TCF12: variants seen among roughly 807,000 people sequenced by gnomAD.
TCF12 encodes the protein DNA-binding protein HTF4.
A neutral mutation model predicts 86.0 loss-of-function variants in TCF12; 45 were observed. That is an observed-to-expected ratio of 0.52 (90% CI 0.41 to 0.67). The LOEUF (loss-of-function observed/expected upper bound fraction) is 0.67, where lower values mean the gene tolerates loss of function less well. Among genes scored for constraint, TCF12 ranks in the 30% least tolerant of loss-of-function variants. The pLI is 0.00. For synonymous variants in TCF12, 330 were observed against 299.6 expected, an observed-to-expected ratio of 1.10 and a Z score of -1.05; for missense variants, 881 against 859.9, an observed-to-expected ratio of 1.02 and a Z score of -0.31.
chr15:57,004,598 A>G (rs1273215811), intron 3 of TCF12, among the ~76,000 whole-genome samples: 1 of 151,822 alleles, frequency 6.6e-6, no homozygotes, highest in Non-Finnish European at 1.5e-5. Context: ...TTTAGTAGAG[A>G]CGGGGTTTCA....
In TCF12 at chr15:57,162,007, G is replaced by A. The variant is rs1487066385; in HGVS notation, c.326-4395G>A. ...TGATTCTGAGAAGTCCGCCCAAGAG[G>A]CCCATGCACATGTGCACACACCGAT... On this transcript the variant is annotated intron_variant, in intron 5 of 20. Transcript: ENST00000333725. Among the ~76,000 whole-genome samples the A allele has an allele frequency of 2.0e-5, 3 of 151,978 alleles. 1 individual carries two copies. In the East Asian group the frequency reaches 5.8e-4, roughly 29 times the overall value.
At chr15:57,055,394 C>G (rs1438049601) in intron 3 of TCF12, among the ~76,000 whole-genome samples, 1 of 152,118 alleles carries the variant, frequency 6.6e-6, no homozygotes, top group Non-Finnish European at 1.5e-5. Flanking sequence ...AGCAAAAACT[C>G]TGTCTCAAAA....
chr15:56,992,556 A>G (rs1254835066), intron 3 of TCF12, among the ~76,000 whole-genome samples: 13 of 152,328 alleles, frequency 8.5e-5, no homozygotes, highest in African/African-American at 3.1e-4. Flanking sequence ...AATGGATCAC[A>G]GACACAAATA....
chr15:57,110,768 A>G (rs2050433951), intron 5 of TCF12, among the ~76,000 whole-genome samples: 1 of 152,246 alleles, frequency 6.6e-6, no homozygotes, highest in Non-Finnish European at 1.5e-5. Flanking sequence ...TCATCTCACT[A>G]TATAAATGAG....
intron 4 of TCF12, among the ~76,000 whole-genome samples, chr15:57,085,338 G>A (rs59854182): frequency 0.052 from 7,908 of 152,262 alleles, 295 homozygotes; most frequent in South Asian, 0.13. Flanking sequence ...ACCTGTTAAA[G>A]GATATCAGAA....
At chr15:57,070,714 A>T (rs1253533270) in intron 4 of TCF12, among the ~76,000 whole-genome samples, 1 of 152,178 alleles carries the variant, frequency 6.6e-6, no homozygotes, top group East Asian at 1.9e-4. Context: ...ACCTCTCTAT[A>T]GTTTGTAGGT....
rs1024102530 is a variant in TCF12 at position 57,244,374 on chromosome 15, C to A, written c.1114+824C>A. On this transcript the variant is annotated intron_variant, in intron 13 of 20. Transcript: ENST00000333725. ...GTTATTTCCCATAGATAAAAAAATT[C>A]TTGGGAATGATGTGGTTTTTCTGCC... is the stretch of plus-strand genomic sequence containing the variant. Among the ~76,000 whole-genome samples the A allele has an allele frequency of 3.9e-5, 6 of 151,940 alleles. No individual in the cohort carries two copies. The East Asian group carries it at 7.7e-4, about 20-fold the overall frequency.
At chr15:57,030,666 A>G (rs990993423) in intron 3 of TCF12, among the ~76,000 whole-genome samples, 3 of 152,186 alleles carry the variant, frequency 2.0e-5, no homozygotes, top group Admixed American at 6.5e-5. Flanking sequence ...CTCAAACACT[A>G]TAGAAATTTC....
intron 5 of TCF12, among the ~76,000 whole-genome samples, chr15:57,133,658 G>A (rs1191357670): frequency 2.0e-5 from 3 of 148,940 alleles, no homozygotes; most frequent in Admixed American, 1.3e-4. Context: ...TGAATAGCAA[G>A]TGCTGGCTGA....
intron 15 of TCF12, 135 bp from the exon 16 acceptor site, chr15:57,253,127 G>C: frequency 1.2e-6 from 1 of 825,908 alleles, no homozygotes; most frequent in South Asian, 1.7e-5. Context: ...TATAGTTCAG[G>C]TGGTTGCTTT....
chr15:57,205,717 A>G (rs1244131556), intron 8 of TCF12, among the ~76,000 whole-genome samples: 1 of 152,214 alleles, frequency 6.6e-6, no homozygotes, highest in East Asian at 1.9e-4. Flanking sequence ...TTTTTTTCAT[A>G]CATTAATAAG....
intron 9 of TCF12, 114 bp from the exon 10 acceptor site, chr15:57,232,177 T>C (rs1391306675): frequency 2.7e-5 from 31 of 1,141,080 alleles, no homozygotes; most frequent in Admixed American, 5.8e-5. Flanking sequence ...GAAGACTAGG[T>C]TGGAAAAGGG....
At chr15:56,925,752 A>G (rs1415008673) in intron 3 of TCF12, among the ~76,000 whole-genome samples, 1 of 152,248 alleles carries the variant, frequency 6.6e-6, no homozygotes, top group African/African-American at 2.4e-5. Flanking sequence ...AGATCATTTA[A>G]TAAGACTGCT....
intron 3 of TCF12, among the ~76,000 whole-genome samples, chr15:57,025,496 C>G (rs1351847386): frequency 2.0e-5 from 3 of 152,026 alleles, no homozygotes; most frequent in Non-Finnish European, 4.4e-5. Context: ...GACCACAGAA[C>G]CTGTTTTGTT....
intron 5 of TCF12, among the ~76,000 whole-genome samples, chr15:57,106,479 C>T (rs1326418655): frequency 6.6e-6 from 1 of 152,158 alleles, no homozygotes; most frequent in Non-Finnish European, 1.5e-5. Flanking sequence ...AAAGAATATA[C>T]AAGAAATTGC....
At chr15:57,232,165 T>A in intron 9 of TCF12, 126 bp from the exon 10 acceptor site, 1 of 952,190 alleles carries the variant, frequency 1.1e-6, no homozygotes. Flanking sequence ...GAACAGTGGG[T>A]AGAAGACTAG....
At chr15:57,090,041 C>T (rs2048891934) in intron 4 of TCF12, among the ~76,000 whole-genome samples, 1 of 151,900 alleles carries the variant, frequency 6.6e-6, no homozygotes, top group Non-Finnish European at 1.5e-5. Context: ...ATAGTGAGAC[C>T]CCATCTCTTC....
chr15:57,052,652 AC>A (rs1467316831), intron 3 of TCF12, among the ~76,000 whole-genome samples: 5 of 141,544 alleles, frequency 3.5e-5, no homozygotes, highest in Admixed American at 7.1e-5. Flanking sequence ...AAAAAAAAAA[AC>A]CAAAATAAAA....
chr15:57,058,892 T>G (rs1049295694), intron 3 of TCF12, among the ~76,000 whole-genome samples: 8 of 152,166 alleles, frequency 5.3e-5, no homozygotes, highest in Non-Finnish European at 1.0e-4. Flanking sequence ...TTGGTGTTGG[T>G]TTTTTAGGTG....
Sources: allele counts gnomAD v4.1 joint callset (sites outside exome capture counted in the v4.1 genomes callset), GRCh38; gene constraint gnomAD v4.1.1; transcripts MANE v1.5; gene names NCBI Gene and HGNC (gene_info 2026-07-23, HGNC 2026-07-21).